Variants in SOX6 observed in about 807,000 individuals in gnomAD.
SOX6 encodes transcription factor SOX-6.
In SOX6, 11 loss-of-function variants were observed where a neutral mutation model predicts 97.8. The observed-to-expected ratio is 0.11, with a 90% CI of 0.07 to 0.19. The LOEUF is 0.19. SOX6 is among the 10% of genes least tolerant of loss of function. SOX6 has a pLI of 1.00. For synonymous variants in SOX6, 360 were observed against 371.4 expected, an observed-to-expected ratio of 0.97 and a Z score of 0.35; for missense variants, 810 against 1,039.5, an observed-to-expected ratio of 0.78 and a Z score of 3.04.
intron 4 of SOX6, among the ~76,000 whole-genome samples, chr11:16,564,658 A>G (rs1589987306): frequency 6.6e-6 from 1 of 152,264 alleles, no homozygotes; most frequent in South Asian, 2.1e-4. Flanking sequence ...GTAAGAAAGA[A>G]AGAACTATCT....
intron 3 of SOX6, among the ~76,000 whole-genome samples, chr11:16,676,570 T>C (rs1382408824): frequency 6.6e-6 from 1 of 152,246 alleles, no homozygotes; most frequent in Non-Finnish European, 1.5e-5. Flanking sequence ...CTTCTTGTTG[T>C]AGTTGTTTTG....
At chr11:16,412,530 C>T (rs1166146263) in intron 1 of SOX6, among the ~76,000 whole-genome samples, 3 of 152,122 alleles carry the variant, frequency 2.0e-5, no homozygotes, top group Admixed American at 6.5e-5. Flanking sequence ...CCCAGCTACT[C>T]AGGAGGCTAA....
intron 3 of SOX6, among the ~76,000 whole-genome samples, chr11:16,278,420 C>T (rs1854462067): frequency 6.6e-6 from 1 of 151,968 alleles, no homozygotes; most frequent in Non-Finnish European, 1.5e-5. Flanking sequence ...AAACATAAAA[C>T]AATACAAGCT....
At chr11:16,333,056 A>G (rs984894965) in intron 2 of SOX6, among the ~76,000 whole-genome samples, 1 of 152,308 alleles carries the variant, frequency 6.6e-6, no homozygotes, top group Admixed American at 6.5e-5. Flanking sequence ...AACGAGAGAC[A>G]GCCCTTTCAA....
Position 16,450,127 on chromosome 11 carries a change from G to A in SOX6, c.-5+26188C>T, listed in dbSNP as rs144722961. Among the ~76,000 whole-genome samples the A allele has an allele frequency of 4.2e-3, 638 of 152,156 alleles. 1 individual carries two copies. The highest frequency in any genetic ancestry group is 6.7e-3 in the Admixed American group (103 of 15,266). ...AAACTGCCTACAAATAGACCCCTGC[G>A]CAAACTTCAGAGAAATCTTTTTGTG... On this transcript the variant is annotated intron_variant, in intron 1 of 15. Coordinates refer to the SOX6 transcript ENST00000396356.
intron 9 of SOX6, among the ~76,000 whole-genome samples, chr11:16,091,611 C>T (rs1160256652): frequency 6.6e-6 from 1 of 152,002 alleles, no homozygotes; most frequent in Non-Finnish European, 1.5e-5. Context: ...AAAATATGTG[C>T]TTGTATTCAT....
At chr11:16,694,381 G>A (rs1459944459) in intron 3 of SOX6, among the ~76,000 whole-genome samples, 1 of 152,028 alleles carries the variant, frequency 6.6e-6, no homozygotes, top group Admixed American at 6.6e-5. Flanking sequence ...AAATTAGCCG[G>A]GTATGGTGGT....
At chr11:16,068,980 C>A (rs1399270562) in intron 9 of SOX6, among the ~76,000 whole-genome samples, 1 of 152,178 alleles carries the variant, frequency 6.6e-6, no homozygotes, top group Non-Finnish European at 1.5e-5. Context: ...TCTGTTAATG[C>A]TGACCATTAA....
intron 3 of SOX6, among the ~76,000 whole-genome samples, chr11:16,265,254 C>A (rs1336221689): frequency 6.6e-6 from 1 of 151,886 alleles, no homozygotes. Context: ...TAGAGAGACC[C>A]ATCCCAGCTG....
At chr11:16,483,393 G>A (rs1389744825) in intron 4 of SOX6, among the ~76,000 whole-genome samples, 1 of 151,940 alleles carries the variant, frequency 6.6e-6, no homozygotes, top group Non-Finnish European at 1.5e-5. Context: ...GAGGCAAAGA[G>A]AAGTCTTGCT....
At chr11:16,145,514 G>C (rs1465178517) in intron 6 of SOX6, among the ~76,000 whole-genome samples, 2 of 152,178 alleles carry the variant, frequency 1.3e-5, no homozygotes, top group African/African-American at 4.8e-5. Context: ...AATCAGGCAG[G>C]AGAAAGAAAT....
chr11:16,582,274 G>A (rs1848038673), intron 4 of SOX6, among the ~76,000 whole-genome samples: 3 of 152,140 alleles, frequency 2.0e-5, no homozygotes, highest in African/African-American at 7.2e-5. Context: ...CTATCTTCAT[G>A]TGTATCCCTT....
chr11:16,247,853 G>A (rs1397439217), intron 3 of SOX6, among the ~76,000 whole-genome samples: 1 of 152,052 alleles, frequency 6.6e-6, no homozygotes, highest in Non-Finnish European at 1.5e-5. Flanking sequence ...AGTCCCCAAA[G>A]TCTTAACTCA....
At chr11:16,509,046 G>C (rs999643833) in intron 4 of SOX6, among the ~76,000 whole-genome samples, 1 of 151,926 alleles carries the variant, frequency 6.6e-6, no homozygotes, top group Non-Finnish European at 1.5e-5. Context: ...ACTGGTAATA[G>C]ACATGGCTTC....
intron 4 of SOX6, among the ~76,000 whole-genome samples, chr11:16,560,452 C>T (rs556368545): frequency 2.8e-5 from 4 of 142,792 alleles, no homozygotes; most frequent in Non-Finnish European, 3.0e-5. Context: ...TATGTTTATA[C>T]GTACATATAT....
chr11:16,130,082 C>T (rs1043707116), intron 6 of SOX6, among the ~76,000 whole-genome samples: 2 of 151,606 alleles, frequency 1.3e-5, no homozygotes, highest in South Asian at 4.1e-4. Context: ...GTGGCCAGAA[C>T]TAATAGTAAA....
At chr11:16,285,538 T>C (rs997937547) in intron 3 of SOX6, among the ~76,000 whole-genome samples, 2 of 151,910 alleles carry the variant, frequency 1.3e-5, no homozygotes, top group African/African-American at 4.8e-5. Context: ...CCATCCCAAA[T>C]ATGTATATAT....
chr11:16,351,694 CT>C (rs1856951850), intron 1 of SOX6, among the ~76,000 whole-genome samples: 1 of 152,082 alleles, frequency 6.6e-6, no homozygotes, highest in African/African-American at 2.4e-5. Context: ...CCTCACTTTC[CT>C]TTCTTAGTGT....
chr11:16,351,858 T>C (rs1856956844), intron 1 of SOX6, among the ~76,000 whole-genome samples: 1 of 152,090 alleles, frequency 6.6e-6, no homozygotes. Flanking sequence ...ATAATATCAT[T>C]ATATTTTCTA....
Sources: allele counts gnomAD v4.1 joint callset (sites outside exome capture counted in the v4.1 genomes callset), GRCh38; gene constraint gnomAD v4.1.1; transcripts MANE v1.5; gene names NCBI Gene and HGNC (gene_info 2026-07-23, HGNC 2026-07-21).